ELF1: variants seen among roughly 807,000 people sequenced by gnomAD.
The protein encoded by ELF1 is E74 like ETS transcription factor 1, also known as ETS-related transcription factor Elf-1.
A neutral mutation model predicts 59.9 loss-of-function variants in ELF1; 24 were observed. That is an observed-to-expected ratio of 0.40 (90% CI 0.29 to 0.56). The LOEUF is 0.56. Ranked by LOEUF, ELF1 falls within the 20% of genes least tolerant of loss-of-function variation. The pLI is 0.44. For missense variants in ELF1, 627 were observed against 742.2 expected, an observed-to-expected ratio of 0.84 and a Z score of 1.80; for synonymous variants, 248 against 266.2, an observed-to-expected ratio of 0.93 and a Z score of 0.67.
chr13:40,937,224 T>C (rs1299862463), intron 8 of ELF1, among the ~76,000 whole-genome samples: 1 of 152,138 alleles, frequency 6.6e-6, no homozygotes, highest in Admixed American at 6.5e-5. Flanking sequence ...TTTTTAAAAA[T>C]CTCCTAAGCT....
intron 3 of ELF1, among the ~76,000 whole-genome samples, chr13:40,955,736 C>G (rs1451829385): frequency 7.6e-6 from 1 of 131,268 alleles, no homozygotes; most frequent in African/African-American, 2.8e-5. Flanking sequence ...GGAGGTCAGC[C>G]CCCCGCCCGG....
At chr13:41,016,947 AAT>A (rs1276103107) in intron 1 of ELF1, among the ~76,000 whole-genome samples, 1,398 of 24,700 alleles carry the variant, frequency 0.057, 40 homozygotes, top group Middle Eastern at 0.12. Flanking sequence ...AAAAAAAAAA[AAT>A]ATATATATAT....
chr13:40,988,037 T>C (rs1873650328), intron 1 of ELF1, among the ~76,000 whole-genome samples: 1 of 152,202 alleles, frequency 6.6e-6, no homozygotes, highest in Non-Finnish European at 1.5e-5. Context: ...ACCCATAATC[T>C]GTAATGACTG....
At chr13:41,046,362 G>A (rs1876847300) in intron 1 of ELF1, among the ~76,000 whole-genome samples, 1 of 152,180 alleles carries the variant, frequency 6.6e-6, no homozygotes, top group South Asian at 2.1e-4. Context: ...GTTAGTTGAT[G>A]CAGTTTCTTC....
intron 1 of ELF1, among the ~76,000 whole-genome samples, chr13:40,991,827 ATATC>A: frequency 6.6e-6 from 1 of 152,296 alleles, no homozygotes; most frequent in East Asian, 1.9e-4. Context: ...CTACAATTGT[ATATC>A]TATCTATCTA....
intron 8 of ELF1, among the ~76,000 whole-genome samples, chr13:40,939,489 C>G (rs9315794): frequency 6.6e-6 from 1 of 151,828 alleles, no homozygotes; most frequent in Admixed American, 6.6e-5. Flanking sequence ...CTCCTATCAA[C>G]ACAAATACAA....
chr13:40,949,953 G>C lies in ELF1; in HGVS notation c.382C>G (p.Pro128Ala). 6.2e-7 allele frequency: 1 copy of C among 1,612,648 alleles called. No homozygotes were observed. ...GGGGCAACAACCATGTCATCTTCAG[G>C]TGAACTAAATATATTATTATCTAAT... The part of the protein sequence containing the change: ...KRINNNIFSS[P>A]EDDMVVAPVT... Residue 128 changes from proline to alanine, a missense_variant, in exon 5 of 9, where the codon CCT becomes GCT. Around this residue, in one of 3 missense-constraint regions of ELF1, gnomAD observed 232 missense variants for 269.2 expected, o/e 0.86. Transcript: ENST00000239882.
intron 1 of ELF1, among the ~76,000 whole-genome samples, chr13:41,015,133 A>G (rs534918717): frequency 1.3e-5 from 2 of 152,312 alleles, no homozygotes; most frequent in East Asian, 1.9e-4. Flanking sequence ...CCCAGGAGTA[A>G]GAGTATGGAG....
At chr13:41,033,017 A>C (rs1011581715) in intron 1 of ELF1, among the ~76,000 whole-genome samples, 3 of 152,164 alleles carry the variant, frequency 2.0e-5, no homozygotes, top group African/African-American at 7.2e-5. Flanking sequence ...TTAGCCCCCA[A>C]AATGATTTTT....
chr13:41,045,230 T>TA (rs201985057), intron 1 of ELF1, among the ~76,000 whole-genome samples: 3,531 of 145,672 alleles, frequency 0.024, 39 homozygotes, highest in African/African-American at 0.027. Flanking sequence ...TGTTGATCTT[T>TA]AAAAAAAAAA....
At chr13:41,024,195 T>A (rs1456229737), upstream of ELF1, among the ~76,000 whole-genome samples, 1 of 152,238 alleles carries the variant, frequency 6.6e-6, no homozygotes, top group South Asian at 2.1e-4. Context: ...ACCAGGAATG[T>A]ACCCCTGAAG....
intron 3 of ELF1, among the ~76,000 whole-genome samples, chr13:40,956,425 C>CA (rs1871434839): frequency 6.6e-6 from 1 of 152,184 alleles, no homozygotes. Flanking sequence ...CCCAGGGACA[C>CA]AAACACTGTG....
chr13:41,034,862 T>C (rs1249421195), intron 1 of ELF1, among the ~76,000 whole-genome samples: 1 of 151,462 alleles, frequency 6.6e-6, no homozygotes, highest in Non-Finnish European at 1.5e-5. Flanking sequence ...AAAACATTTA[T>C]CCATCTTGAC....
intron 3 of ELF1, among the ~76,000 whole-genome samples, chr13:40,956,853 G>A (rs1871480280): frequency 6.6e-6 from 1 of 151,002 alleles, no homozygotes. Flanking sequence ...CACCATACTT[G>A]GCTAATTTTT....
At chr13:41,033,787 T>G (rs1876265792) in intron 1 of ELF1, among the ~76,000 whole-genome samples, 1 of 152,168 alleles carries the variant, frequency 6.6e-6, no homozygotes, top group South Asian at 2.1e-4. Context: ...TGGTCACTGG[T>G]GCCAAAAAGG....
At chr13:41,015,590 A>C (rs1875312175) in intron 1 of ELF1, among the ~76,000 whole-genome samples, 1 of 152,200 alleles carries the variant, frequency 6.6e-6, no homozygotes, top group African/African-American at 2.4e-5. Flanking sequence ...TAGGGTACAC[A>C]GTAAAAAATG....
chr13:41,002,276 A>G (rs979070334), intron 1 of ELF1, among the ~76,000 whole-genome samples: 7 of 152,150 alleles, frequency 4.6e-5, no homozygotes, highest in African/African-American at 1.7e-4. Flanking sequence ...TTATAAATAG[A>G]AATACCTGGA....
In ELF1 at chr13:40,933,153, T is replaced by A; in HGVS notation, c.*272A>T. On this transcript the variant is annotated 3_prime_UTR_variant, in exon 9 of 9. Coordinates refer to ENST00000239882, the MANE Select transcript of ELF1 (RefSeq NM_172373.4). ...AAAATTAGAAAAGAAACTTTAAAAA[T>A]GCTTATGATATAGCAACTGAAATAA... 1 of 340,030 alleles carries A rather than the reference T, an allele frequency of 2.9e-6. No homozygotes were observed. Among genetic ancestry groups the A allele is most frequent in the South Asian group, 8.1e-5 (1 of 12,292 alleles). The allele number at this position is 340,030 out of a possible 1,614,324, so 21.1% of individuals were successfully genotyped here. A position where few individuals can be genotyped will look rare whatever the true frequency, so the allele number is the denominator to read the frequency against.
At chr13:40,948,348 G>T (rs984581157) in intron 5 of ELF1, among the ~76,000 whole-genome samples, 1 of 152,130 alleles carries the variant, frequency 6.6e-6, no homozygotes, top group Non-Finnish European at 1.5e-5. Flanking sequence ...CCCCAAGAGG[G>T]TATATCCCTT....
Sources: allele counts gnomAD v4.1 joint callset (sites outside exome capture counted in the v4.1 genomes callset), GRCh38; gene constraint gnomAD v4.1.1; regional missense constraint gnomAD v4.1.1; transcripts MANE v1.5; gene names NCBI Gene and HGNC (gene_info 2026-07-23, HGNC 2026-07-21).